Variants in TRHDE observed in about 807,000 individuals in gnomAD.
The protein encoded by TRHDE is thyrotropin releasing hormone degrading enzyme, also known as thyrotropin-releasing hormone-degrading ectoenzyme.
Under a neutral mutation model 125.7 loss-of-function variants are expected in TRHDE, and 72 were observed. That is an observed-to-expected ratio of 0.57 (90% CI 0.47 to 0.70). TRHDE has a LOEUF of 0.70. Among genes scored for constraint, TRHDE ranks in the 30% least tolerant of loss-of-function variants. The pLI is 0.00. For synonymous variants in TRHDE, 509 were observed against 509.1 expected, an observed-to-expected ratio of 1.00 and a Z score of 0.00; for missense variants, 1,110 against 1,327.1, an observed-to-expected ratio of 0.84 and a Z score of 2.54.
chr12:72,657,308 A>C (rs986999616), intron 18 of TRHDE, among the ~76,000 whole-genome samples: 2 of 152,132 alleles, frequency 1.3e-5, no homozygotes, highest in Admixed American at 6.6e-5. Flanking sequence ...GATTCTATTA[A>C]CCCACTGTAG....
In TRHDE at chr12:72,351,282, C is replaced by A. The variant is rs149298253; in HGVS notation, c.1189-26713C>A. On this transcript the variant is annotated intron_variant, in intron 2 of 18. Transcript: ENST00000261180. ...TTAAATGGGGTCATATATTGGTCTG[C>A]AAAATTAGTTCCGCCATGTTACGAA... 5.9e-5 allele frequency among the ~76,000 whole-genome samples: 9 copies of A among 152,024 alleles called. No homozygotes were observed. The East Asian group carries it at 1.7e-3, about 30-fold the overall frequency.
chr12:72,546,275 A>G (rs1182197804), intron 7 of TRHDE, among the ~76,000 whole-genome samples: 1 of 151,674 alleles, frequency 6.6e-6, no homozygotes, highest in Non-Finnish European at 1.5e-5. Flanking sequence ...TTCTTTTCAC[A>G]TAGTCATAGA....
intron 2 of TRHDE, among the ~76,000 whole-genome samples, chr12:72,287,423 A>G (rs1471121690): frequency 2.0e-5 from 3 of 152,200 alleles, no homozygotes; most frequent in Non-Finnish European, 2.9e-5. Flanking sequence ...GTTATTGCTG[A>G]GAAAGTAAAA....
chr12:72,441,520 G>A (rs1046009301), intron 3 of TRHDE, among the ~76,000 whole-genome samples: 6 of 151,866 alleles, frequency 4.0e-5, no homozygotes, highest in African/African-American at 1.4e-4. Flanking sequence ...AGGACAGGAG[G>A]TGTGGGGAAA....
intron 3 of TRHDE, among the ~76,000 whole-genome samples, chr12:72,444,312 C>A (rs1875169589): frequency 6.6e-6 from 1 of 151,904 alleles, no homozygotes; most frequent in Non-Finnish European, 1.5e-5. Context: ...TCTAATTGCA[C>A]TGTAAAAGTC....
chr12:72,432,396 G>C (rs181158261), intron 3 of TRHDE, among the ~76,000 whole-genome samples: 57 of 152,242 alleles, frequency 3.7e-4, no homozygotes, highest in African/African-American at 1.3e-3. Flanking sequence ...AGTGTCACAT[G>C]TGCAGATGAT....
chr12:72,208,677 A>T (rs141606400), intron 2 of TRHDE, among the ~76,000 whole-genome samples: 1 of 152,296 alleles, frequency 6.6e-6, no homozygotes, highest in East Asian at 1.9e-4. Flanking sequence ...GTTTTAGTGA[A>T]GATTAAATTA....
chr12:72,632,014 G>T (rs1873517374), intron 15 of TRHDE, among the ~76,000 whole-genome samples: 1 of 151,874 alleles, frequency 6.6e-6, no homozygotes, highest in Non-Finnish European at 1.5e-5. Context: ...CAACATTTCT[G>T]TGAAGAATAC....
At chr12:72,146,070 T>C (rs1012108392) in intron 2 of TRHDE, among the ~76,000 whole-genome samples, 5 of 152,120 alleles carry the variant, frequency 3.3e-5, no homozygotes, top group Admixed American at 6.5e-5. Flanking sequence ...AATAAGAAAA[T>C]AATTTAAAAG....
At chr12:72,590,148 A>T (rs1239657672) in intron 12 of TRHDE, among the ~76,000 whole-genome samples, 1 of 148,994 alleles carries the variant, frequency 6.7e-6, no homozygotes, top group Non-Finnish European at 1.5e-5. Context: ...ACTCAAGTAT[A>T]TTACTTTATT....
intron 2 of TRHDE, among the ~76,000 whole-genome samples, chr12:72,117,485 T>C (rs998115544): frequency 2.0e-5 from 3 of 152,164 alleles, no homozygotes; most frequent in African/African-American, 7.2e-5. Context: ...TACAGTTCTG[T>C]AGCATAATTT....
At chr12:72,371,716 T>C (rs1322364085) in intron 2 of TRHDE, among the ~76,000 whole-genome samples, 1 of 152,046 alleles carries the variant, frequency 6.6e-6, no homozygotes, top group Non-Finnish European at 1.5e-5. Context: ...ACAAAGGACA[T>C]GAACTCATCC....
At chr12:72,128,695 A>C (rs1356960753) in intron 2 of TRHDE, among the ~76,000 whole-genome samples, 1 of 152,230 alleles carries the variant, frequency 6.6e-6, no homozygotes, top group Non-Finnish European at 1.5e-5. Flanking sequence ...AGATTAGTGA[A>C]TATGACAATA....
intron 3 of TRHDE, among the ~76,000 whole-genome samples, chr12:72,452,004 T>A (rs1875599646): frequency 6.6e-6 from 1 of 152,072 alleles, no homozygotes; most frequent in South Asian, 2.1e-4. Flanking sequence ...AATTTTTGTA[T>A]TTTTAGTAGA....
chr12:72,326,137 T>A (rs1869330720), intron 2 of TRHDE, among the ~76,000 whole-genome samples: 1 of 152,186 alleles, frequency 6.6e-6, no homozygotes, highest in Non-Finnish European at 1.5e-5. Context: ...ATTATTATTA[T>A]TTTTAAAGGA....
chr12:72,286,956 T>G lies in TRHDE; in HGVS notation c.1188+2T>G, dbSNP rs139112492. The G allele has an allele frequency of 6.2e-7, 1 of 1,612,322 alleles. No homozygotes were observed. Among genetic ancestry groups the G allele is most frequent in the Non-Finnish European group, 8.5e-7 (1 of 1,179,286 alleles). ...ACTACCACCAAGAGTGGGGTTGTAG[T>G]AAGTATTTTCAGCTTAATGATGTTT... is the stretch of plus-strand genomic sequence containing the variant. On this transcript the variant is annotated splice_donor_variant, in intron 2 of 18. Coordinates refer to ENST00000261180, the MANE Select transcript of TRHDE (RefSeq NM_013381.3). LOFTEE classifies it high-confidence loss of function.
At chr12:72,256,189 TAAGTACTTACA>T (rs1878810358) in intron 2 of TRHDE, 1 of 152,170 alleles carries the variant, frequency 6.6e-6, no homozygotes, top group African/African-American at 2.4e-5. Flanking sequence ...AGTAGAAGTC[TAAGTACTTACA>T]ATAGCCTACA....
chr12:72,236,067 A>AT (rs1878332568), intron 2 of TRHDE, among the ~76,000 whole-genome samples: 1 of 152,174 alleles, frequency 6.6e-6, no homozygotes, highest in Admixed American at 6.5e-5. Flanking sequence ...GAAGAGTCAC[A>AT]TTTTCCAAAA....
At chr12:72,492,981 G>T (rs1167158017) in intron 5 of TRHDE, among the ~76,000 whole-genome samples, 1 of 151,808 alleles carries the variant, frequency 6.6e-6, no homozygotes, top group Non-Finnish European at 1.5e-5. Context: ...GGCTATATGT[G>T]TATCTGTCTT....
Sources: allele counts gnomAD v4.1 joint callset (sites outside exome capture counted in the v4.1 genomes callset), GRCh38; gene constraint gnomAD v4.1.1; transcripts MANE v1.5; gene names NCBI Gene and HGNC (gene_info 2026-07-23, HGNC 2026-07-21).